LYRM4: variants seen among roughly 807,000 people sequenced by gnomAD.
The protein encoded by LYRM4 is LYR motif containing 4, also known as LYR motif-containing protein 4.
LYRM4 carries 9 observed loss-of-function variants against 11.7 expected under a neutral mutation model. The ratio of observed to expected loss-of-function variants is 0.77; its 90% CI spans 0.46 to 1.34. LYRM4 has a LOEUF of 1.34. LYRM4 is among the 40% of genes most tolerant of loss of function. LYRM4 has a pLI of 0.00. For missense variants in LYRM4, 133 were observed against 112.5 expected (o/e 1.18, Z -0.82); for synonymous variants, 42 against 40.4 (o/e 1.04, Z -0.15).
At chr6:5,079,807 T>G in the LYRM4 span, among the ~76,000 whole-genome samples, 162 of 152,342 alleles carry the variant, frequency 1.1e-3, 1 homozygote, top group African/African-American at 3.8e-3. Flanking sequence ...AACTTTGTTT[T>G]TAAAGGTACG....
In LYRM4 at chr6:5,169,108, T is replaced by C. The variant is rs569662729; in HGVS notation, c.207+47510A>G. ...GTTCTTTTCTTCATTTTTAACTTTTTTTTTGAGACAAGTTCTCACTATGCT... is the reference window on the plus strand; with the variant it reads ...GTTCTTTTCTTCATTTTTAACTTTTCTTTTGAGACAAGTTCTCACTATGCT... On this transcript the variant is annotated intron_variant, in intron 2 of 2. Transcript: ENST00000330636. 1.4e-4 allele frequency among the ~76,000 whole-genome samples: 22 copies of C among 152,328 alleles called. 1 individual carries two copies. In the South Asian group the frequency reaches 4.6e-3, roughly 32 times the overall value.
intron 1 of LYRM4, among the ~76,000 whole-genome samples, chr6:5,243,565 A>G (rs1764008503): frequency 6.6e-6 from 1 of 152,240 alleles, no homozygotes; most frequent in South Asian, 2.1e-4. Context: ...TAGGGTTAGA[A>G]GAATTCTGGG....
At position 5,219,705 on chromosome 6, in the gene LYRM4, C is replaced by CT. The variant is rs1045831777; in HGVS notation, c.87-2968dup. Among the ~76,000 whole-genome samples, 288 of 144,928 alleles carry CT rather than the reference C, an allele frequency of 2.0e-3. 2 individuals are homozygous for CT. In the East Asian group the frequency reaches 0.02, roughly 10 times the overall value. ...GCCCTGCCCTGGTTTTTATCATTTG[C>CT]TTTTTTTTTTTTCTTTTTTCTTTGC... On this transcript the variant is annotated intron_variant, in intron 1 of 2. Coordinates refer to ENST00000330636, the MANE Select transcript of LYRM4 (RefSeq NM_020408.6).
intron 1 of LYRM4, among the ~76,000 whole-genome samples, chr6:5,223,092 T>C (rs1762680846): frequency 6.6e-6 from 1 of 152,166 alleles, no homozygotes; most frequent in South Asian, 2.1e-4. Flanking sequence ...TATCTACTTA[T>C]AAAACCCTGG....
chr6:5,180,870 TGTCA>T (rs1488655546), intron 2 of LYRM4, among the ~76,000 whole-genome samples: 2 of 152,234 alleles, frequency 1.3e-5, no homozygotes, highest in Non-Finnish European at 2.9e-5. Context: ...TAGTGAAGTA[TGTCA>T]CTCACCTTTG....
At chr6:5,037,162 C>T in the LYRM4 span, among the ~76,000 whole-genome samples, 14 of 24,490 alleles carry the variant, frequency 5.7e-4, 1 homozygote, top group African/African-American at 1.6e-3. Flanking sequence ...TGCGGCCTTC[C>T]GCAGTGTTTG....
rs777870354 is a variant in LYRM4 at position 5,260,657 on chromosome 6, T to C, written c.77A>G (p.Tyr26Cys). ...GTGCCCGCTGGGTCACCTGTAATTG[T>C]AGGCGCTGAAACGCTTGCTCTCTCT... is the stretch of plus-strand genomic sequence containing the variant. ...MLRESKRFSAYNYRTYAVRRI... is the reference protein window; with the variant it reads ...MLRESKRFSACNYRTYAVRRI... Residue 26 changes from tyrosine (Y) to cysteine (C), a missense_variant, in exon 1 of 3, where the codon TAC becomes TGC. Transcript: ENST00000330636. 9.8e-5 allele frequency: 150 copies of C among 1,524,372 alleles called. No individual in the cohort carries two copies. Among genetic ancestry groups the C allele is most frequent in the Non-Finnish European group, 1.3e-4 (146 of 1,136,054 alleles). 94.4% of individuals were successfully genotyped at this position (1,524,372 alleles called of 1,614,324 possible).
At chr6:5,102,064 A>T (rs1382016251), downstream of LYRM4, among the ~76,000 whole-genome samples, 1 of 140,330 alleles carries the variant, frequency 7.1e-6, no homozygotes, top group Non-Finnish European at 1.5e-5. Flanking sequence ...AAGTGTTGGG[A>T]TTAAAGGTGT....
the LYRM4 span, chr6:5,085,385 G>A: frequency 3.5e-6 from 3 of 854,654 alleles, no homozygotes; most frequent in Admixed American, 2.8e-5. Context: ...GGGAGGGCGA[G>A]CCTGAACTGC....
chr6:5,053,967 A>G, the LYRM4 span: 2 of 189,270 alleles, frequency 1.1e-5, no homozygotes, highest in African/African-American at 2.4e-5. Context: ...TGGTTATTCT[A>G]CAAATTCTGA....
chr6:5,113,447 GATTCCAGCT>G (rs1418002561), intron 2 of LYRM4: 1 of 337,064 alleles, frequency 3.0e-6, no homozygotes, highest in Non-Finnish European at 6.0e-6. Context: ...GGTGAGAGGT[GATTCCAGCT>G]TGGAAGGAGG....
chr6:5,071,135 A>G, the LYRM4 span, among the ~76,000 whole-genome samples: 1 of 149,040 alleles, frequency 6.7e-6, no homozygotes, highest in African/African-American at 2.5e-5. Context: ...GTTGCAGTGA[A>G]CCAAGATCGT....
At chr6:5,093,099 C>A in the LYRM4 span, among the ~76,000 whole-genome samples, 70 of 152,130 alleles carry the variant, frequency 4.6e-4, no homozygotes, top group Non-Finnish European at 8.8e-5. Context: ...GTCTGTGAGT[C>A]CCCCACCCGC....
intron 2 of LYRM4, among the ~76,000 whole-genome samples, chr6:5,186,421 G>A (rs1174227610): frequency 2.0e-5 from 3 of 152,186 alleles, no homozygotes; most frequent in African/African-American, 2.4e-5. Context: ...CTGGCCTTGC[G>A]TTCTGGTGTG....
At chr6:5,058,849 A>G in the LYRM4 span, among the ~76,000 whole-genome samples, 3 of 152,082 alleles carry the variant, frequency 2.0e-5, no homozygotes, top group Non-Finnish European at 2.9e-5. Context: ...TATTCCTTTA[A>G]GGTAAAAATG....
the LYRM4 span, among the ~76,000 whole-genome samples, chr6:5,050,481 A>G: frequency 1.3e-5 from 2 of 152,240 alleles, no homozygotes; most frequent in African/African-American, 4.8e-5. Flanking sequence ...GGCTGAAGCA[A>G]CTTCCAGGGG....
At chr6:5,212,398 A>C (rs993708674) in intron 2 of LYRM4, among the ~76,000 whole-genome samples, 1 of 152,206 alleles carries the variant, frequency 6.6e-6, no homozygotes, top group African/African-American at 2.4e-5. Flanking sequence ...AGCCTTGTTA[A>C]TTGTCTGGGG....
intron 2 of LYRM4, chr6:5,113,364 G>A (rs1762970649): frequency 2.2e-6 from 1 of 447,640 alleles, no homozygotes; most frequent in South Asian, 1.6e-5. Context: ...GGTGGAGGTT[G>A]CTGAGATCAC....
At chr6:5,249,967 A>G (rs1001765621) in intron 1 of LYRM4, among the ~76,000 whole-genome samples, 6 of 152,216 alleles carry the variant, frequency 3.9e-5, no homozygotes, top group African/African-American at 1.4e-4. Context: ...ATTTTCTATT[A>G]GGTTCATTAT....
Sources: gnomAD v4.1 joint callset for allele counts (sites outside exome capture counted in the v4.1 genomes callset) on GRCh38, gnomAD v4.1.1 for gene constraint, MANE v1.5 for transcripts, NCBI Gene and HGNC (gene_info 2026-07-23, HGNC 2026-07-21) for gene names.